Variants in NUP214 observed in about 807,000 individuals in gnomAD.
The protein encoded by NUP214 is nuclear pore complex protein Nup214.
In NUP214, 79 loss-of-function variants were observed where a neutral mutation model predicts 196.2. That is an observed-to-expected ratio of 0.40 (90% CI 0.34 to 0.49). The LOEUF (loss-of-function observed/expected upper bound fraction) is 0.49, where lower values mean the gene tolerates loss of function less well. NUP214 is among the 20% of genes least tolerant of loss of function. The pLI is 0.58. For synonymous variants in NUP214, 1,020 were observed against 990.5 expected (o/e 1.03, Z -0.56); for missense variants, 2,468 against 2,539.0 (o/e 0.97, Z 0.60).
intron 4 of NUP214, among the ~76,000 whole-genome samples, chr9:131,130,141 T>TTTTTTTTTTTTTC (rs1564176276): frequency 3.9e-5 from 4 of 103,522 alleles, no homozygotes; most frequent in Admixed American, 9.3e-5. Context: ...GGTTTTGTTT[T>TTTTTTTTTTTTTC]TTTTTTTTTG....
chr9:131,135,163 C>T (rs996336650), intron 8 of NUP214, 159 bp downstream of exon 8: 4 of 551,704 alleles, frequency 7.3e-6, no homozygotes, highest in African/African-American at 5.8e-5. Context: ...GATTGTAGCT[C>T]ACAGAAGCCT....
chr9:131,125,832 G>A lies in NUP214; in HGVS notation c.45+83G>A, dbSNP rs1831330189. ...CAGCTGAAAGGCGAAGCGCGGTGCT[G>A]GCTGTCCCGCCTCCTGCTTGAACAG... is the stretch of plus-strand genomic sequence containing the variant. On this transcript the variant is annotated intron_variant, in intron 1 of 35. Coordinates refer to ENST00000359428, the MANE Select transcript of NUP214 (RefSeq NM_005085.4). The surrounding 1 kb of genome is among the most constrained non-coding windows in gnomAD (Gnocchi z 4.1). 7.5e-6 allele frequency: 11 copies of A among 1,474,264 alleles called. No individual in the cohort carries two copies. The highest frequency in any genetic ancestry group is 1.0e-5 in the Non-Finnish European group (11 of 1,081,146). 91.3% of individuals were successfully genotyped at this position (1,474,264 alleles called of 1,614,324 possible).
intron 26 of NUP214, chr9:131,190,404 C>T (rs1588155517): frequency 8.8e-6 from 6 of 680,474 alleles, no homozygotes; most frequent in South Asian, 3.2e-5. Flanking sequence ...AAGAAATTTC[C>T]GAGATTCACC....
chr9:131,162,887 T>G (rs1161159877), intron 18 of NUP214, 104 bp from the exon 19 acceptor site: 7 of 1,083,302 alleles, frequency 6.5e-6, no homozygotes, highest in Non-Finnish European at 9.6e-6. Flanking sequence ...GTTCTCCATT[T>G]TATCATTTTC....
At chr9:131,229,209 T>G (rs915486591) in intron 33 of NUP214, 6 of 155,326 alleles carry the variant, frequency 3.9e-5, no homozygotes, top group Non-Finnish European at 5.7e-5. Flanking sequence ...TAAACTATAG[T>G]ATGTTCTTAC....
chr9:131,200,475 T>C (rs1234032155), intron 29 of NUP214, among the ~76,000 whole-genome samples: 3 of 151,970 alleles, frequency 2.0e-5, no homozygotes, highest in African/African-American at 7.3e-5. Context: ...TTTGGGAGGC[T>C]GAGGCAGGTG....
At chr9:131,178,189 C>T in intron 23 of NUP214, 122 bp from the exon 24 acceptor site, 1 of 691,180 alleles carries the variant, frequency 1.4e-6, no homozygotes, top group Non-Finnish European at 2.5e-6. Context: ...AGTAGATTTC[C>T]TTCACATGAT....
In NUP214 at chr9:131,215,339, G is replaced by A. The variant is rs199544849; in HGVS notation, c.5720G>A (p.Ser1907Asn). 267 of 1,602,278 alleles carry A rather than the reference G, an allele frequency of 1.7e-4. No homozygotes were observed. Among genetic ancestry groups the A allele is most frequent in the Non-Finnish European group, 2.2e-4 (253 of 1,174,412 alleles). The change falls in exon 31 of 36, where the codon AGT (serine) becomes AAT (asparagine). Residue 1907 changes from serine to asparagine, a missense_variant. This residue lies in a region of NUP214 where 262 missense variants were observed against 296.5 expected (regional missense o/e 0.88). Transcript: ENST00000359428. ...AACAAAAACCCATTCAGCTCGGCCA[G>A]TGGGGGCTTTGGATCCACAGCTACC... The part of the protein sequence containing the change: ...AANKNPFSSA[S>N]GGFGSTATSN...
chr9:131,177,559 AAG>A (rs1474306459), intron 23 of NUP214, among the ~76,000 whole-genome samples: 3 of 152,208 alleles, frequency 2.0e-5, no homozygotes, highest in East Asian at 1.9e-4. Context: ...ACTTCTTTGA[AAG>A]AGGGAATAAA....
At chr9:131,151,584 A>C in intron 16 of NUP214, 152 bp from the exon 17 acceptor site, 12 of 552,494 alleles carry the variant, frequency 2.2e-5, no homozygotes, top group Non-Finnish European at 3.8e-5. Context: ...GTGTCGTTCT[A>C]AACAGTTAAA....
chr9:131,148,012 C>A (rs938396247), intron 14 of NUP214, among the ~76,000 whole-genome samples: 1 of 152,230 alleles, frequency 6.6e-6, no homozygotes, highest in Admixed American at 6.5e-5. Flanking sequence ...CATGGTGAAA[C>A]CCCGTCTCTA....
intron 18 of NUP214, among the ~76,000 whole-genome samples, chr9:131,160,283 G>A (rs1321827231): frequency 2.0e-5 from 3 of 152,150 alleles, no homozygotes; most frequent in South Asian, 2.1e-4. Context: ...GTAAATAGAT[G>A]TAACAAAATA....
chr9:131,216,441 A>C (rs1302097054), intron 31 of NUP214, among the ~76,000 whole-genome samples: 10 of 142,916 alleles, frequency 7.0e-5, no homozygotes, highest in Admixed American at 2.8e-4. Flanking sequence ...GTTAGCCAGG[A>C]GGTCTCGATC....
chr9:131,206,967 T>C (rs920820094), intron 30 of NUP214, among the ~76,000 whole-genome samples: 4 of 152,224 alleles, frequency 2.6e-5, no homozygotes, highest in African/African-American at 4.8e-5. Flanking sequence ...AGGGGCCTTA[T>C]TGTTTTTATT....
In NUP214 at chr9:131,204,274, AG is replaced by A. The variant is rs574766039; in HGVS notation, c.5592+2558del. Among the ~76,000 whole-genome samples, 56 of 152,356 alleles carry A rather than the reference AG, an allele frequency of 3.7e-4. 1 individual carries two copies. The South Asian group carries it at 0.011, about 31-fold the overall frequency. Reference sequence around the variant, plus strand: ...TACCAGTAAGGAATATAAAATCTTAAGAAGTGTCATAGCAAATTTGAAGAAG... The same window carrying A: ...TACCAGTAAGGAATATAAAATCTTAAAAGTGTCATAGCAAATTTGAAGAAG... On this transcript the variant is annotated intron_variant, in intron 30 of 35. Transcript: ENST00000359428.
chr9:131,156,707 A>T (rs773815304), intron 17 of NUP214, among the ~76,000 whole-genome samples: 1 of 151,866 alleles, frequency 6.6e-6, no homozygotes, highest in Non-Finnish European at 1.5e-5. Context: ...GAATTCGTTT[A>T]TCAGATCTAG....
chr9:131,223,927 G>T (rs1834654861), intron 32 of NUP214, among the ~76,000 whole-genome samples: 2 of 149,462 alleles, frequency 1.3e-5, no homozygotes, highest in African/African-American at 4.9e-5. Context: ...GTAGAGACGG[G>T]GTTTCACCGT....
Position 131,198,439 on chromosome 9 carries a change from C to A in NUP214, c.4945C>A (p.Pro1649Thr), listed in dbSNP as rs763661849. 1.2e-6 allele frequency: 2 copies of A among 1,614,232 alleles called. No homozygotes were observed. The highest frequency in any genetic ancestry group is 1.3e-5 in the African/African-American group (1 of 75,064). ...TGGCTCATCCGTCTTTGCTCAGCCT[C>A]CTGCTGCCAGTTCTAGCTCAGCTTT... is the stretch of plus-strand genomic sequence containing the variant. ...TSGSSVFAQP[P>T]AASSSSAFNQ... The change falls in exon 29 of 36, where the codon CCT becomes ACT. Residue 1649 changes from proline (P) to threonine (T), a missense_variant. Around this residue, in one of 5 missense-constraint regions of NUP214, gnomAD observed 1,801 missense variants for 1,779.4 expected, o/e 1.01. Coordinates refer to ENST00000359428, the MANE Select transcript of NUP214 (RefSeq NM_005085.4).
At chr9:131,220,209 T>C (rs2131089965) in intron 31 of NUP214, among the ~76,000 whole-genome samples, 1 of 152,290 alleles carries the variant, frequency 6.6e-6, no homozygotes, top group African/African-American at 2.4e-5. Context: ...AAGAATCTTC[T>C]ACAGTGAAAT....
Sources: allele counts gnomAD v4.1 joint callset (sites outside exome capture counted in the v4.1 genomes callset), GRCh38; gene constraint gnomAD v4.1.1; regional missense constraint gnomAD v4.1.1; non-coding constraint Gnocchi (gnomAD v3.1); transcripts MANE v1.5; gene names NCBI Gene and HGNC (gene_info 2026-07-23, HGNC 2026-07-21).